MCTP1: variants seen among roughly 807,000 people sequenced by gnomAD.
MCTP1 encodes the protein multiple C2 and transmembrane domain-containing protein 1.
MCTP1 carries 69 observed loss-of-function variants against 120.6 expected under a neutral mutation model. The ratio of observed to expected loss-of-function variants is 0.57; its 90% confidence interval spans 0.47 to 0.70. The LOEUF (loss-of-function observed/expected upper bound fraction) is 0.70. MCTP1 is among the 30% of genes least tolerant of loss of function. The probability of loss-of-function intolerance (pLI) is 0.00; values close to 1 mark genes in which losing one functional copy is unlikely to be tolerated. For synonymous variants in MCTP1, 529 were observed against 493.1 expected (o/e 1.07, Z -0.96); for missense variants, 1,203 against 1,248.8 (o/e 0.96, Z 0.55).
At chr5:95,048,368 T>C (rs1207191094) in intron 1 of MCTP1, among the ~76,000 whole-genome samples, 4 of 152,202 alleles carry the variant, frequency 2.6e-5, no homozygotes, top group Non-Finnish European at 4.4e-5. Flanking sequence ...AGGATTATAA[T>C]GTCAATTTGT....
chr5:95,198,076 C>T (rs1032457261), intron 1 of MCTP1, among the ~76,000 whole-genome samples: 1 of 151,926 alleles, frequency 6.6e-6, no homozygotes, highest in Non-Finnish European at 1.5e-5. Flanking sequence ...TTCACAGATG[C>T]GGAATCCACG....
At chr5:94,847,222 T>C (rs1409663496) in intron 17 of MCTP1, among the ~76,000 whole-genome samples, 2 of 152,172 alleles carry the variant, frequency 1.3e-5, no homozygotes, top group African/African-American at 4.8e-5. Context: ...TGAGAAGCAC[T>C]GTTCTAAGAA....
chr5:95,077,873 G>C (rs774067050), intron 1 of MCTP1, among the ~76,000 whole-genome samples: 3 of 152,138 alleles, frequency 2.0e-5, no homozygotes, highest in Non-Finnish European at 4.4e-5. Flanking sequence ...AAAACTATCA[G>C]ACAAGAAAAT....
intron 1 of MCTP1, among the ~76,000 whole-genome samples, chr5:95,209,749 T>C (rs966972904): frequency 6.6e-6 from 1 of 152,174 alleles, no homozygotes; most frequent in South Asian, 2.1e-4. Context: ...CAAGGTTTTG[T>C]CTGAACATTA....
chr5:94,874,924 G>A (rs1246997208), intron 12 of MCTP1, among the ~76,000 whole-genome samples: 1 of 152,116 alleles, frequency 6.6e-6, no homozygotes, highest in Admixed American at 6.6e-5. Context: ...GTAGGTAGTA[G>A]GTCACACGCA....
At chr5:94,935,009 T>C (rs1403208813) in intron 5 of MCTP1, among the ~76,000 whole-genome samples, 1 of 151,976 alleles carries the variant, frequency 6.6e-6, no homozygotes, top group African/African-American at 2.4e-5. Context: ...TACACACTTT[T>C]ACAGGTTCAA....
chr5:95,127,205 T>C (rs77735921), intron 1 of MCTP1, among the ~76,000 whole-genome samples: 1 of 151,906 alleles, frequency 6.6e-6, no homozygotes, highest in African/African-American at 2.4e-5. Context: ...GCATTAGATC[T>C]AAAAAGTGGT....
intron 1 of MCTP1, among the ~76,000 whole-genome samples, chr5:95,063,200 C>T (rs912893742): frequency 3.9e-5 from 6 of 152,182 alleles, no homozygotes; most frequent in African/African-American, 9.7e-5. Context: ...AATTAGCTCT[C>T]CTACAGATGA....
Position 95,284,397 on chromosome 5 carries a change from G to C in MCTP1, c.179C>G (p.Pro60Arg). The change falls in exon 1 of 23, where the codon CCC becomes CGC. Residue 60 changes from proline (P) to arginine (R), a missense_variant. By Grantham distance (103) the Pro-to-Arg change is moderately radical. Transcript: ENST00000515393. This position sits in a 1 kb window ranked among gnomAD's most constrained non-coding sequence, Gnocchi z 5.2. Reference protein sequence around the residue: ...TADTPSPSPPPPVGTGNAPAR... With the variant: ...TADTPSPSPPRPVGTGNAPAR... ...CGGTGCATTCCCTGTGCCCACCGGG[G>C]GTGGCGGGGAGGGCGACGGGGTGTC... 1 of 1,591,650 alleles carries C rather than the reference G, an allele frequency of 6.3e-7. No homozygotes were observed. Among genetic ancestry groups the C allele is most frequent in the Non-Finnish European group, 8.5e-7 (1 of 1,177,284 alleles).
intron 1 of MCTP1, among the ~76,000 whole-genome samples, chr5:95,054,586 T>C (rs556430915): frequency 1.1e-4 from 16 of 152,320 alleles, no homozygotes; most frequent in African/African-American, 2.9e-4. Flanking sequence ...AGACTCATTT[T>C]TGATGTTCCA....
chr5:95,214,871 G>T (rs879399730), intron 1 of MCTP1, among the ~76,000 whole-genome samples: 1 of 131,296 alleles, frequency 7.6e-6, no homozygotes, highest in South Asian at 2.9e-4. Flanking sequence ...GTTGTGGGGT[G>T]GGGGGAGGGG....
At chr5:95,274,425 C>G (rs1412030375) in intron 1 of MCTP1, among the ~76,000 whole-genome samples, 1 of 152,140 alleles carries the variant, frequency 6.6e-6, no homozygotes, top group African/African-American at 2.4e-5. Flanking sequence ...CTAAGGGAGA[C>G]CTCCCTCCCA....
chr5:95,017,939 C>G (rs1581863711), intron 1 of MCTP1, among the ~76,000 whole-genome samples: 1 of 151,994 alleles, frequency 6.6e-6, no homozygotes, highest in East Asian at 1.9e-4. Context: ...ACAGCTCATA[C>G]CTATGAATTA....
chr5:95,018,903 G>C (rs1005047260), intron 1 of MCTP1, among the ~76,000 whole-genome samples: 4 of 152,030 alleles, frequency 2.6e-5, no homozygotes, highest in African/African-American at 9.7e-5. Context: ...TTACCCATCT[G>C]ATTGTGGCCA....
intron 1 of MCTP1, among the ~76,000 whole-genome samples, chr5:95,119,003 AT>A (rs1428405507): frequency 2.6e-5 from 4 of 152,242 alleles, no homozygotes; most frequent in Admixed American, 6.5e-5. Flanking sequence ...ACAAAGACAC[AT>A]TAAACTTAAT....
intron 1 of MCTP1, among the ~76,000 whole-genome samples, chr5:95,039,652 G>T (rs1841973506): frequency 6.6e-6 from 1 of 151,984 alleles, no homozygotes; most frequent in African/African-American, 2.4e-5. Flanking sequence ...TCTCACAAGG[G>T]TTTTCCATAC....
At chr5:94,759,602 A>G (rs963167104) in intron 19 of MCTP1, among the ~76,000 whole-genome samples, 3 of 152,212 alleles carry the variant, frequency 2.0e-5, no homozygotes, top group African/African-American at 7.2e-5. Context: ...AGTACAACTT[A>G]AATCATTTTA....
At chr5:94,765,130 C>T (rs1312129960) in intron 19 of MCTP1, among the ~76,000 whole-genome samples, 1 of 152,038 alleles carries the variant, frequency 6.6e-6, no homozygotes, top group Non-Finnish European at 1.5e-5. Context: ...AAGGAAACAA[C>T]ATGCCGCTAA....
At chr5:94,768,172 A>T (rs985544488) in intron 19 of MCTP1, among the ~76,000 whole-genome samples, 2 of 152,194 alleles carry the variant, frequency 1.3e-5, no homozygotes, top group African/African-American at 4.8e-5. Context: ...TCTCTTCAAT[A>T]AATGGGGCTG....
Sources: allele counts gnomAD v4.1 joint callset (sites outside exome capture counted in the v4.1 genomes callset), GRCh38; gene constraint gnomAD v4.1.1; non-coding constraint Gnocchi (gnomAD v3.1); transcripts MANE v1.5; gene names NCBI Gene and HGNC (gene_info 2026-07-23, HGNC 2026-07-21).